NFX1: variants seen among roughly 807,000 people sequenced by gnomAD.
NFX1 encodes nuclear transcription factor, X-box binding 1.
In NFX1, 69 loss-of-function variants were observed where a neutral mutation model predicts 137.2. The ratio of observed to expected loss-of-function variants is 0.50; its 90% CI spans 0.41 to 0.61. The LOEUF is 0.61. Ranked by LOEUF, NFX1 falls within the 20% of genes least tolerant of loss-of-function variation. The pLI is 0.00. For synonymous variants in NFX1, 495 were observed against 474.1 expected (o/e 1.04, Z -0.57); for missense variants, 1,167 against 1,391.0 (o/e 0.84, Z 2.56).
At chr9:33,294,388 CT>C (rs1821268814) in intron 1 of NFX1, 31 bp from the exon 2 acceptor site, 1 of 1,519,034 alleles carries the variant, frequency 6.6e-7, no homozygotes, top group African/African-American at 1.4e-5. Flanking sequence ...AGTTTAATCT[CT>C]TTACTGGCAT....
Position 33,367,673 on chromosome 9 carries a change from A to G in NFX1, c.3290+54A>G, listed in dbSNP as rs1824210491. On this transcript the variant is annotated intron_variant, in intron 23 of 23. Transcript: ENST00000379540. Reference sequence around the variant, plus strand: ...GACCTGTCTGTCCAGAAAAGCTAGCAGGGGCTGAATTGTCCTGAGCTGCAC... The same window carrying G: ...GACCTGTCTGTCCAGAAAAGCTAGCGGGGGCTGAATTGTCCTGAGCTGCAC... 1.9e-6 allele frequency: 3 copies of G among 1,568,048 alleles called. No individual in the cohort carries two copies. The Admixed American group carries it at 5.1e-5, about 26-fold the overall frequency.
intron 9 of NFX1, among the ~76,000 whole-genome samples, chr9:33,321,041 A>G (rs778954976): frequency 1.5e-4 from 23 of 152,316 alleles, no homozygotes; most frequent in Non-Finnish European, 2.8e-4. Flanking sequence ...TGTTTATGAT[A>G]TGGAGATCAA....
rs993374484 is a variant in NFX1, at chr9:33,291,128, C to T, written c.25+531C>T. On this transcript the variant is annotated intron_variant, in intron 1 of 23. Coordinates refer to ENST00000379540, the MANE Select transcript of NFX1 (RefSeq NM_002504.6). Reference sequence around the variant, plus strand: ...TGATGGCTCCCGCCCTGTACTGTACCTATTCTGTAATTGTTCACTCACTCC... The same window carrying T: ...TGATGGCTCCCGCCCTGTACTGTACTTATTCTGTAATTGTTCACTCACTCC... Among the ~76,000 whole-genome samples, 3 of 152,282 alleles carry T rather than the reference C, an allele frequency of 2.0e-5. 1 individual carries two copies. Among genetic ancestry groups the T allele is most frequent in the African/African-American group, 7.2e-5 (3 of 41,548 alleles).
chr9:33,299,643 A>G (rs1436620640), intron 2 of NFX1, among the ~76,000 whole-genome samples: 2 of 152,178 alleles, frequency 1.3e-5, no homozygotes, highest in African/African-American at 4.8e-5. Context: ...AGCCACGATC[A>G]TGCCACTGCA....
chr9:33,336,414 C>T (rs1302683183), intron 11 of NFX1, among the ~76,000 whole-genome samples: 2 of 151,914 alleles, frequency 1.3e-5, no homozygotes, highest in Admixed American at 6.6e-5. Context: ...TGGGGTTTTA[C>T]CATGTTGGTC....
chr9:33,290,923 A>G (rs964296834), intron 1 of NFX1, among the ~76,000 whole-genome samples: 4 of 152,332 alleles, frequency 2.6e-5, no homozygotes, highest in Non-Finnish European at 5.9e-5. Context: ...CGGCCAGGTC[A>G]CAGCCAGTGA....
rs62542735 is a variant in NFX1, at chr9:33,357,545, T to G, written c.2873+2653T>G. Reference sequence around the variant, plus strand: ...ATGTCTTTTTCATTTATGTATTTATTTATTGAGATAGGATCTTGCTCTGTC... The same window carrying G: ...ATGTCTTTTTCATTTATGTATTTATGTATTGAGATAGGATCTTGCTCTGTC... On this transcript the variant is annotated intron_variant, in intron 19 of 23. Transcript: ENST00000379540. Among the ~76,000 whole-genome samples, 122 of 152,142 alleles carry G rather than the reference T, an allele frequency of 8.0e-4. 1 individual carries two copies. Among genetic ancestry groups the G allele is most frequent in the Admixed American group, 1.6e-3 (25 of 15,274 alleles).
intron 7 of NFX1, among the ~76,000 whole-genome samples, chr9:33,316,789 T>G (rs944268695): frequency 6.6e-6 from 1 of 152,194 alleles, no homozygotes; most frequent in Non-Finnish European, 1.5e-5. Context: ...TACCTAATTC[T>G]TCTGTCACCT....
chr9:33,330,795 A>G (rs1315670282), intron 10 of NFX1, among the ~76,000 whole-genome samples: 1 of 152,156 alleles, frequency 6.6e-6, no homozygotes, highest in Non-Finnish European at 1.5e-5. Flanking sequence ...GAATTTTTGC[A>G]AGTAGAAGTC....
At chr9:33,350,361 A>G (rs970076878) in intron 15 of NFX1, among the ~76,000 whole-genome samples, 2 of 151,378 alleles carry the variant, frequency 1.3e-5, no homozygotes, top group African/African-American at 2.4e-5. Flanking sequence ...CATCAGTCTC[A>G]GAACCCTGGG....
intron 14 of NFX1, among the ~76,000 whole-genome samples, chr9:33,344,971 GGC>G (rs985573762): frequency 6.6e-6 from 1 of 152,052 alleles, no homozygotes; most frequent in Non-Finnish European, 1.5e-5. Context: ...AGACCACTCT[GGC>G]CAACATGGTG....
Position 33,294,637 on chromosome 9 carries a change from GAGTC to G in NFX1, c.246_249del (p.Gln83ArgfsTer26). On this transcript the variant is annotated frameshift_variant, in exon 2 of 24. Transcript: ENST00000379540. LOFTEE classifies it high-confidence loss of function. ...ATCATCCGTCAGGAAGCAAACCTAA[GAGTC>G]AGCAGACGTCTTTCCAGTCCTCTCC... 2 of 1,614,194 alleles carry G rather than the reference GAGTC, an allele frequency of 1.2e-6. No individual in the cohort carries two copies. Among genetic ancestry groups the G allele is most frequent in the Non-Finnish European group, 1.7e-6 (2 of 1,180,040 alleles).
intron 5 of NFX1, among the ~76,000 whole-genome samples, chr9:33,309,231 C>T (rs1167982251): frequency 3.3e-5 from 5 of 151,942 alleles, no homozygotes; most frequent in African/African-American, 1.2e-4. Context: ...GTGGTGGGCA[C>T]CTGTAGTCCC....
chr9:33,366,051 T>C (rs899533000), intron 21 of NFX1: 9 of 152,762 alleles, frequency 5.9e-5, no homozygotes, highest in African/African-American at 2.2e-4. Flanking sequence ...CTGTATCTAA[T>C]GCTGGTGGTT....
At chr9:33,357,960 G>A (rs1313034241) in intron 19 of NFX1, among the ~76,000 whole-genome samples, 1 of 152,032 alleles carries the variant, frequency 6.6e-6, no homozygotes, top group Admixed American at 6.6e-5. Flanking sequence ...TCTTTACAAT[G>A]TTAAATTTTC....
At chr9:33,324,238 G>A (rs1257108299) in intron 9 of NFX1, among the ~76,000 whole-genome samples, 3 of 152,118 alleles carry the variant, frequency 2.0e-5, no homozygotes, top group South Asian at 2.1e-4. Flanking sequence ...AATTAGCTGG[G>A]TGTGGCGGCA....
At chr9:33,340,004 C>A (rs552770926) in intron 12 of NFX1, among the ~76,000 whole-genome samples, 1 of 152,350 alleles carries the variant, frequency 6.6e-6, no homozygotes, top group Non-Finnish European at 1.5e-5. Flanking sequence ...TGTGGCTTTT[C>A]CAGGCACACA....
intron 5 of NFX1, among the ~76,000 whole-genome samples, chr9:33,307,521 A>G (rs1821795264): frequency 1.3e-5 from 2 of 152,232 alleles, no homozygotes; most frequent in Non-Finnish European, 2.9e-5. Context: ...TGCTTTACAG[A>G]TGAGGCTCAG....
rs550486847 is a variant in NFX1, at chr9:33,363,836, A to G, written c.2874-174A>G. Reference sequence around the variant, plus strand: ...ATAGATCTGTTTATTTTCTTTTATGAAGACAATACCACCTCATGTCCCAAG... The same window carrying G: ...ATAGATCTGTTTATTTTCTTTTATGGAGACAATACCACCTCATGTCCCAAG... On this transcript the variant is annotated intron_variant, in intron 19 of 23. Transcript: ENST00000379540. Among the ~76,000 whole-genome samples, 7 of 152,254 alleles carry G rather than the reference A, an allele frequency of 4.6e-5. No homozygotes were observed. The East Asian group carries it at 1.2e-3, about 25-fold the overall frequency.
Sources: gnomAD v4.1 joint callset for allele counts (sites outside exome capture counted in the v4.1 genomes callset) on GRCh38, gnomAD v4.1.1 for gene constraint, MANE v1.5 for transcripts, NCBI Gene and HGNC (gene_info 2026-07-23, HGNC 2026-07-21) for gene names.